The following PRKN variants were observed in gnomAD, a reference collection of about 807,000 sequenced individuals.
PRKN encodes E3 ubiquitin-protein ligase parkin.
PRKN carries 56 observed loss-of-function variants against 59.5 expected under a neutral mutation model. That is an observed-to-expected ratio of 0.94 (90% CI 0.76 to 1.18). The LOEUF (loss-of-function observed/expected upper bound fraction) is 1.18, where lower values mean the gene tolerates loss of function less well. PRKN is among the 50% of genes most tolerant of loss of function. The pLI is 0.00. For synonymous variants in PRKN, 250 were observed against 222.1 expected (o/e 1.13, Z -1.12); for missense variants, 657 against 596.4 (o/e 1.10, Z -1.06).
At chr6:162,236,309 G>A (rs967695856) in intron 3 of PRKN, among the ~76,000 whole-genome samples, 1 of 152,162 alleles carries the variant, frequency 6.6e-6, no homozygotes, top group Admixed American at 6.5e-5. Flanking sequence ...ATGCTTATTG[G>A]TTAAATTTGG....
rs1782706054 is a variant in PRKN, at chr6:162,011,474, T to TATTAAAAA, written c.619-38058_619-38057insTTTTTAAT. 1.4e-4 allele frequency among the ~76,000 whole-genome samples: 2 copies of TATTAAAAA among 14,634 alleles called. 1 individual carries two copies. The highest frequency in any genetic ancestry group is 2.1e-4 in the Non-Finnish European group (2 of 9,700). 9.6% of individuals were successfully genotyped at this position (14,634 alleles called of 152,430 possible). A position where few individuals can be genotyped will look rare whatever the true frequency, so the allele number is the denominator to read the frequency against. On this transcript the variant is annotated intron_variant, in intron 5 of 11. Coordinates refer to ENST00000366898, the MANE Select transcript of PRKN (RefSeq NM_004562.3). ...TATATAATATATATATTATAATATATAATATATTATAATATATATAATATA... is the reference window on the plus strand; with the variant it reads ...TATATAATATATATATTATAATATATATTAAAAAAATATATTATAATATATATAATATA...
At chr6:162,179,351 G>A (rs12212768) in intron 4 of PRKN, among the ~76,000 whole-genome samples, 53,216 of 152,062 alleles carry the variant, frequency 0.35, 9,434 homozygotes, top group Middle Eastern at 0.5. Flanking sequence ...CTGAGGGGAC[G>A]GTCCAGCATC....
intron 7 of PRKN, among the ~76,000 whole-genome samples, chr6:161,686,702 G>A (rs147092416): frequency 2.6e-4 from 39 of 152,182 alleles, no homozygotes; most frequent in East Asian, 3.9e-4. Flanking sequence ...TATATTCTCC[G>A]AGAGGACCCT....
chr6:162,482,216 A>G (rs568478429), intron 1 of PRKN, among the ~76,000 whole-genome samples: 1 of 152,308 alleles, frequency 6.6e-6, no homozygotes, highest in South Asian at 2.1e-4. Flanking sequence ...TGCTTGATAC[A>G]GGGCACTGAC....
chr6:161,984,127 G>C (rs955397529), intron 5 of PRKN, among the ~76,000 whole-genome samples: 1 of 152,074 alleles, frequency 6.6e-6, no homozygotes, highest in African/African-American at 2.4e-5. Flanking sequence ...ACCACAATGA[G>C]ATACCTGTCT....
At chr6:162,272,419 T>C (rs1012052054) in intron 2 of PRKN, among the ~76,000 whole-genome samples, 1 of 152,172 alleles carries the variant, frequency 6.6e-6, no homozygotes, top group East Asian at 1.9e-4. Context: ...CTTTAAAATA[T>C]ATATATTTTA....
chr6:162,004,014 A>G (rs534604136), intron 5 of PRKN, among the ~76,000 whole-genome samples: 1 of 152,156 alleles, frequency 6.6e-6, no homozygotes, highest in African/African-American at 2.4e-5. Context: ...GTCTCGTCAC[A>G]CAGATAAATT....
intron 6 of PRKN, among the ~76,000 whole-genome samples, chr6:161,968,882 C>T (rs1307270618): frequency 6.6e-6 from 1 of 152,102 alleles, no homozygotes; most frequent in African/African-American, 2.4e-5. Flanking sequence ...AATGAGAAAG[C>T]AATTGCTGAA....
At chr6:162,115,059 G>C (rs201028772) in intron 4 of PRKN, among the ~76,000 whole-genome samples, 39,751 of 151,562 alleles carry the variant, frequency 0.26, 5,345 homozygotes, top group African/African-American at 0.32. Flanking sequence ...TGTTTATTGC[G>C]GCATTATTCA....
intron 1 of PRKN, among the ~76,000 whole-genome samples, chr6:162,719,907 A>AC (rs1778869129): frequency 3.3e-4 from 2 of 6,000 alleles, no homozygotes; most frequent in African/African-American, 2.0e-3. Context: ...AAAAAAAAAA[A>AC]AAAAAAAAAA....
intron 10 of PRKN, among the ~76,000 whole-genome samples, chr6:161,367,115 C>G (rs1011582490): frequency 1.3e-5 from 2 of 151,096 alleles, no homozygotes; most frequent in Non-Finnish European, 3.0e-5. Context: ...CTCAGCCTCC[C>G]GAGTAGCTGG....
chr6:161,974,045 T>A (rs1400493895), intron 5 of PRKN, among the ~76,000 whole-genome samples: 1 of 152,146 alleles, frequency 6.6e-6, no homozygotes, highest in African/African-American at 2.4e-5. Context: ...GGCGGGCGGA[T>A]CACCTGGGGT....
intron 4 of PRKN, among the ~76,000 whole-genome samples, chr6:162,196,824 A>G (rs552360855): frequency 1.3e-5 from 2 of 152,334 alleles, no homozygotes; most frequent in African/African-American, 4.8e-5. Context: ...GCAACTCATT[A>G]TTATTACATG....
chr6:162,103,278 A>G (rs963839124), intron 4 of PRKN, among the ~76,000 whole-genome samples: 1 of 152,134 alleles, frequency 6.6e-6, no homozygotes, highest in Non-Finnish European at 1.5e-5. Context: ...GAAAATGAGG[A>G]TGAAATTCCA....
intron 1 of PRKN, among the ~76,000 whole-genome samples, chr6:162,515,944 G>A (rs1043933586): frequency 2.0e-5 from 3 of 152,190 alleles, no homozygotes; most frequent in Non-Finnish European, 4.4e-5. Context: ...TCCCAGGAAC[G>A]CCCTGAAGTA....
intron 7 of PRKN, among the ~76,000 whole-genome samples, chr6:161,750,736 C>T (rs552393601): frequency 2.0e-5 from 3 of 149,988 alleles, no homozygotes; most frequent in Non-Finnish European, 4.4e-5. Flanking sequence ...CACTGCACTC[C>T]AGCCTGGGCA....
At chr6:162,142,062 A>G (rs1250506142) in intron 4 of PRKN, among the ~76,000 whole-genome samples, 1 of 152,230 alleles carries the variant, frequency 6.6e-6, no homozygotes, top group Non-Finnish European at 1.5e-5. Flanking sequence ...ATCCATGCAT[A>G]AGCTGCTTAA....
intron 1 of PRKN, among the ~76,000 whole-genome samples, chr6:162,690,879 ATAATTT>A (rs59696495): frequency 0.042 from 6,371 of 152,084 alleles, 408 homozygotes; most frequent in African/African-American, 0.14. Flanking sequence ...TTCTTTACTG[ATAATTT>A]CAAATTTTAA....
chr6:162,489,136 T>C (rs555676105), intron 1 of PRKN, among the ~76,000 whole-genome samples: 2 of 152,214 alleles, frequency 1.3e-5, no homozygotes, highest in African/African-American at 4.8e-5. Flanking sequence ...TCACCTACTC[T>C]AAATAAGGCA....
Sources: allele counts gnomAD v4.1 joint callset (sites outside exome capture counted in the v4.1 genomes callset), GRCh38; gene constraint gnomAD v4.1.1; transcripts MANE v1.5; gene names NCBI Gene and HGNC (gene_info 2026-07-23, HGNC 2026-07-21).